FGF17: variants seen among roughly 807,000 people sequenced by gnomAD.
The protein encoded by FGF17 is fibroblast growth factor 17.
Under a neutral mutation model 23.5 loss-of-function variants are expected in FGF17, and 5 were observed. That is an observed-to-expected ratio of 0.21 (90% confidence interval 0.11 to 0.45). FGF17 has a LOEUF of 0.45. Ranked by LOEUF, FGF17 falls within the 20% of genes least tolerant of loss-of-function variation. The probability of loss-of-function intolerance (pLI) is 0.99; values close to 1 mark genes in which losing one functional copy is unlikely to be tolerated. For missense variants in FGF17, 221 were observed against 306.9 expected, an observed-to-expected ratio of 0.72 and a Z score of 2.09; for synonymous variants, 136 against 123.0, an observed-to-expected ratio of 1.11 and a Z score of -0.70.
chr8:22,043,103 A>G (rs2129650921), intron 1 of FGF17, 42 bp from the exon 2 acceptor site: 1 of 1,611,412 alleles, frequency 6.2e-7, no homozygotes, highest in Non-Finnish European at 8.5e-7. Flanking sequence ...CTAGGCTTGC[A>G]GCTGGCACCC....
Position 22,046,221 on chromosome 8 carries a change from G to A in FGF17, c.180G>A (p.Arg60=). ...RQIREYQLYS[R]TSGKHVQVTG... ...TCCGCGAGTACCAACTCTACAGCAG[G>A]ACCAGTGGCAAGCACGTGCAGGTCA... The change falls in exon 3 of 5, where the codon AGG becomes AGA. Residue 60 remains arginine (R), a synonymous_variant. Transcript: ENST00000359441. 6.2e-7 allele frequency: 1 copy of A among 1,614,076 alleles called. No homozygotes were observed. Among genetic ancestry groups the A allele is most frequent in the Non-Finnish European group, 8.5e-7 (1 of 1,180,050 alleles).
intron 4 of FGF17, among the ~76,000 whole-genome samples, chr8:22,046,969 T>TTTTTTTG: frequency 6.7e-6 from 1 of 148,944 alleles, no homozygotes; most frequent in Non-Finnish European, 1.5e-5. Flanking sequence ...TTTTTTTTTG[T>TTTTTTTG]AGAGATAGGG....
At chr8:22,042,511 CACATCGAGTTTGTCT>C, upstream of FGF17, 1 of 272,726 alleles carries the variant, frequency 3.7e-6, no homozygotes, top group Non-Finnish European at 7.0e-6. Flanking sequence ...TGACCTGCCA[CACATCGAGTTTGTCT>C]GCGTCGAGTT....
At chr8:22,044,858 G>A (rs1585535502) in intron 2 of FGF17, 1 of 985,490 alleles carries the variant, frequency 1.0e-6, no homozygotes, top group Non-Finnish European at 1.2e-6. Context: ...CTCCCTAGGA[G>A]AGAGTAGCCC....
At position 22,043,294 on chromosome 8, in the gene FGF17, T is replaced by G. The variant is rs1800775445; in HGVS notation, c.72+113T>G. The stretch of plus-strand genomic sequence containing the variant: ...ACAGAGGCAGAGTCTGGCCTCTCCC[T>G]GGGTCCAGGAGGCACTGAGGTTTGG... On this transcript the variant is annotated intron_variant, in intron 2 of 4. Coordinates refer to ENST00000359441, the MANE Select transcript of FGF17 (RefSeq NM_003867.4). The G allele has an allele frequency of 7.3e-6, 8 of 1,089,392 alleles. No individual in the cohort carries two copies. The East Asian group carries it at 1.7e-4, about 24-fold the overall frequency. 67.5% of individuals were successfully genotyped at this position (1,089,392 alleles called of 1,614,324 possible).
rs777598380 is a variant in FGF17, at chr8:22,042,908, G to T, written c.-21G>T. 1 of 1,613,106 alleles carries T rather than the reference G, an allele frequency of 6.2e-7. No individual in the cohort carries two copies. Among genetic ancestry groups the T allele is most frequent in the African/African-American group, 1.3e-5 (1 of 75,034 alleles). On this transcript the variant is annotated 5_prime_UTR_variant, in exon 1 of 5. Coordinates refer to ENST00000359441, the MANE Select transcript of FGF17 (RefSeq NM_003867.4). Reference sequence around the variant, plus strand: ...TGAGCTTGGGGGCAGGGGGGCAACCGCCTGAGGAACCTCTCCAGCGATGGG... The same window carrying T: ...TGAGCTTGGGGGCAGGGGGGCAACCTCCTGAGGAACCTCTCCAGCGATGGG...
upstream of FGF17, among the ~76,000 whole-genome samples, chr8:22,041,411 C>T (rs1378190811): frequency 6.6e-6 from 1 of 152,134 alleles, no homozygotes; most frequent in Admixed American, 6.5e-5. Flanking sequence ...CCACATCCGC[C>T]ACTTCCCCTT....
chr8:22,042,818 C>G, upstream of FGF17: 1 of 1,123,582 alleles, frequency 8.9e-7, no homozygotes, highest in Non-Finnish European at 1.3e-6. Context: ...CCCTGAAAAC[C>G]TGTGGCTCGG....
chr8:22,048,301 T>C lies in FGF17; in HGVS notation c.*52T>C. ...TGGGCCGCCTCCCCACCCCTTTCCCTTCTTAATCCAAGGACTGGGCTGGGG... is the reference window on the plus strand; with the variant it reads ...TGGGCCGCCTCCCCACCCCTTTCCCCTCTTAATCCAAGGACTGGGCTGGGG... On this transcript the variant is annotated 3_prime_UTR_variant, in exon 5 of 5. Coordinates refer to ENST00000359441, the MANE Select transcript of FGF17 (RefSeq NM_003867.4). The surrounding 1 kb of genome is among the most constrained non-coding windows in gnomAD (Gnocchi z 6.9). 7.0e-7 allele frequency: 1 copy of C among 1,435,240 alleles called. No individual in the cohort carries two copies. Among genetic ancestry groups the C allele is most frequent in the East Asian group, 2.5e-5 (1 of 40,760 alleles). The allele number at this position is 1,435,240 out of a possible 1,614,324, so 88.9% of individuals were successfully genotyped here.
intron 2 of FGF17, chr8:22,045,305 G>A (rs763043894): frequency 7.1e-5 from 70 of 986,162 alleles, no homozygotes; most frequent in Non-Finnish European, 8.2e-5. Context: ...CCTGCCAGGG[G>A]CAGCCATTGG....
chr8:22,047,311 G>C (rs1441097081), intron 4 of FGF17, among the ~76,000 whole-genome samples: 1 of 152,316 alleles, frequency 6.6e-6, no homozygotes, highest in East Asian at 1.9e-4. Flanking sequence ...GTTCAGTGGG[G>C]CCAGTGGGCT....
At chr8:22,040,110 GGA>G (rs1393540742), upstream of FGF17, among the ~76,000 whole-genome samples, 1 of 152,006 alleles carries the variant, frequency 6.6e-6, no homozygotes, top group Non-Finnish European at 1.5e-5. Flanking sequence ...TCCAGTCAAG[GGA>G]GAGAGTCTGA....
intron 2 of FGF17, 26 bp from the exon 3 acceptor site, chr8:22,046,088 C>T: frequency 4.3e-6 from 7 of 1,614,080 alleles, no homozygotes; most frequent in Non-Finnish European, 5.9e-6. Flanking sequence ...CAAATTGACA[C>T]TATTTTTCCC....
intron 2 of FGF17, among the ~76,000 whole-genome samples, chr8:22,044,095 G>A (rs1483146776): frequency 6.6e-6 from 1 of 151,956 alleles, no homozygotes; most frequent in Non-Finnish European, 1.5e-5. Context: ...CATCCAGGGG[G>A]AGCCAGAAGA....
At chr8:22,044,565 A>C (rs1312615172) in intron 2 of FGF17, 6 of 469,014 alleles carry the variant, frequency 1.3e-5, no homozygotes, top group African/African-American at 1.1e-4. Flanking sequence ...AGAGGGGCGG[A>C]GGGCCTGAAC....
intron 2 of FGF17, chr8:22,044,898 G>A: frequency 2.0e-6 from 2 of 985,584 alleles, no homozygotes; most frequent in Non-Finnish European, 2.4e-6. Flanking sequence ...GTCTAGCTCT[G>A]TCCAGATGGC....
chr8:22,044,731 G>C (rs1484163), intron 2 of FGF17: 720,699 of 985,166 alleles, frequency 0.73, 264,460 homozygotes, highest in East Asian at 0.94. Context: ...CTATGGGGAG[G>C]TGCAATTGGA....
chr8:22,045,499 G>A, intron 2 of FGF17: 1 of 990,784 alleles, frequency 1.0e-6, no homozygotes, highest in Non-Finnish European at 1.2e-6. Flanking sequence ...AAGAAGATGG[G>A]TATGAGCTCA....
rs1801005169 is a variant in FGF17 at position 22,048,280 on chromosome 8, C to T, written c.*31C>T. 2.6e-6 allele frequency: 4 copies of T among 1,532,084 alleles called. No homozygotes were observed. Among genetic ancestry groups the T allele is most frequent in the Non-Finnish European group, 3.5e-6 (4 of 1,129,348 alleles). 94.9% of individuals were successfully genotyped at this position (1,532,084 alleles called of 1,614,324 possible). On this transcript the variant is annotated 3_prime_UTR_variant, in exon 5 of 5. Coordinates refer to ENST00000359441, the MANE Select transcript of FGF17 (RefSeq NM_003867.4). This position sits in a 1 kb window ranked among gnomAD's most constrained non-coding sequence, Gnocchi z 6.9. ...GAGGCAGGGGGCAGCAGCCCCTGGG[C>T]CGCCTCCCCACCCCTTTCCCTTCTT...
Sources: allele counts gnomAD v4.1 joint callset (sites outside exome capture counted in the v4.1 genomes callset), GRCh38; gene constraint gnomAD v4.1.1; non-coding constraint Gnocchi (gnomAD v3.1); transcripts MANE v1.5; gene names NCBI Gene and HGNC (gene_info 2026-07-23, HGNC 2026-07-21).